The following EIF2S2 variants were observed in gnomAD, a reference collection of about 807,000 sequenced individuals.
EIF2S2 encodes eukaryotic translation initiation factor 2 subunit 2.
A neutral mutation model predicts 44.0 loss-of-function variants in EIF2S2; 4 were observed. That is an observed-to-expected ratio of 0.09 (90% confidence interval 0.04 to 0.21). EIF2S2 has a LOEUF of 0.21. Ranked by LOEUF, EIF2S2 falls within the 10% of genes least tolerant of loss-of-function variation. The pLI is 1.00. For missense variants in EIF2S2, 154 were observed against 392.0 expected (o/e 0.39, Z 5.13); for synonymous variants, 108 against 128.3 (o/e 0.84, Z 1.07).
chr20:34,096,402 C>G (rs1241776450), intron 6 of EIF2S2, among the ~76,000 whole-genome samples: 2 of 152,156 alleles, frequency 1.3e-5, no homozygotes, highest in African/African-American at 4.8e-5. Flanking sequence ...GAGATTGAGG[C>G]TGCAGTGAGC....
At chr20:34,100,480 G>T (rs1231833735) in intron 3 of EIF2S2, among the ~76,000 whole-genome samples, 1 of 152,086 alleles carries the variant, frequency 6.6e-6, no homozygotes, top group East Asian at 1.9e-4. Context: ...CCAGATAAGG[G>T]ATCCCTTACT....
At chr20:34,094,745 A>C (rs1056400899) in intron 6 of EIF2S2, among the ~76,000 whole-genome samples, 1 of 152,192 alleles carries the variant, frequency 6.6e-6, no homozygotes, top group South Asian at 2.1e-4. Context: ...TAAAATAAAA[A>C]ACACAAATAT....
At chr20:34,112,012 G>C in intron 1 of EIF2S2, 84 bp downstream of exon 1, 1 of 1,293,170 alleles carries the variant, frequency 7.7e-7, no homozygotes, top group African/African-American at 1.5e-5. Flanking sequence ...CCGGCTGCTA[G>C]GCCGCAGGCC....
In EIF2S2 at chr20:34,092,529, G is replaced by A. The variant is rs570780031; in HGVS notation, c.740+1146C>T. 3.3e-5 allele frequency among the ~76,000 whole-genome samples: 5 copies of A among 152,270 alleles called. No homozygotes were observed. In the South Asian group the frequency reaches 6.2e-4, roughly 19 times the overall value. On this transcript the variant is annotated intron_variant, in intron 7 of 8. Coordinates refer to ENST00000374980, the MANE Select transcript of EIF2S2 (RefSeq NM_003908.5). Reference sequence around the variant, plus strand: ...TAAAAATACAAAAAATTAGCTGGGCGTGGTGGCGGGCGCCTGTAGTCCCAG... The same window carrying A: ...TAAAAATACAAAAAATTAGCTGGGCATGGTGGCGGGCGCCTGTAGTCCCAG...
Position 34,103,447 on chromosome 20 carries a change from AG to A in EIF2S2, c.297+14del. 6.5e-7 allele frequency: 1 copy of A among 1,540,928 alleles called. No individual in the cohort carries two copies. Among genetic ancestry groups the A allele is most frequent in the Non-Finnish European group, 8.8e-7 (1 of 1,138,128 alleles). On this transcript the variant is annotated intron_variant, in intron 3 of 8. Coordinates refer to ENST00000374980, the MANE Select transcript of EIF2S2 (RefSeq NM_003908.5). ...AAGAGGTCAAATTTTACCTTCAACA[AG>A]AAAGCAATACTACCTTTACACCTTC... is the stretch of plus-strand genomic sequence containing the variant.
intron 4 of EIF2S2, among the ~76,000 whole-genome samples, chr20:34,098,262 A>T (rs985263382): frequency 6.6e-6 from 1 of 152,046 alleles, no homozygotes; most frequent in Non-Finnish European, 1.5e-5. Flanking sequence ...AAAAAAAAAA[A>T]TCCGGTTATA....
intron 3 of EIF2S2, among the ~76,000 whole-genome samples, chr20:34,098,921 C>G (rs2034264222): frequency 6.6e-6 from 1 of 152,214 alleles, no homozygotes; most frequent in Admixed American, 6.5e-5. Flanking sequence ...AAACGCCTGT[C>G]AGAAATGGAC....
intron 3 of EIF2S2, among the ~76,000 whole-genome samples, chr20:34,099,374 AAG>A: frequency 6.6e-6 from 1 of 152,292 alleles, no homozygotes. Flanking sequence ...AAAAAAAAAA[AAG>A]AATCACTTGA....
chr20:34,104,606 C>T (rs1197138460), intron 2 of EIF2S2, among the ~76,000 whole-genome samples: 1 of 152,150 alleles, frequency 6.6e-6, no homozygotes, highest in Admixed American at 6.5e-5. Flanking sequence ...GCAGTAAATA[C>T]AAGTTATCAG....
rs766940297 is a variant in EIF2S2 at position 34,089,702 on chromosome 20, A to G, written c.*28T>C. Reference sequence around the variant, plus strand: ...ACCTGTCCAGCCACATCTCCACAACAAGCTTTGCAAAATCAGTGATTAGCA... The same window carrying G: ...ACCTGTCCAGCCACATCTCCACAACGAGCTTTGCAAAATCAGTGATTAGCA... On this transcript the variant is annotated 3_prime_UTR_variant, in exon 9 of 9. Transcript: ENST00000374980. 3 of 1,594,194 alleles carry G rather than the reference A, an allele frequency of 1.9e-6. No individual in the cohort carries two copies. The highest frequency in any genetic ancestry group is 2.7e-5 in the African/African-American group (2 of 74,440).
Position 34,088,475 on chromosome 20 carries a change from C to T in EIF2S2, c.*1255G>A, listed in dbSNP as rs899688072. 3 of 152,676 alleles carry T rather than the reference C, an allele frequency of 2.0e-5. No homozygotes were observed. Among genetic ancestry groups the T allele is most frequent in the East Asian group, 3.8e-4 (2 of 5,200 alleles). The allele number at this position is 152,676 out of a possible 1,614,324, so 9.5% of individuals were successfully genotyped here. On this transcript the variant is annotated 3_prime_UTR_variant, in exon 9 of 9. Coordinates refer to ENST00000374980, the MANE Select transcript of EIF2S2 (RefSeq NM_003908.5). ...CAGTGTGTGGGTTGAGGGCCCTCTA[C>T]TGCTTTACCCATCACCCTCCACTGT...
rs1004912716 is a variant in EIF2S2, at chr20:34,089,594, A to G, written c.*136T>C. 11 of 851,716 alleles carry G rather than the reference A, an allele frequency of 1.3e-5. No individual in the cohort carries two copies. In the South Asian group the frequency reaches 1.9e-4, roughly 15 times the overall value. 52.8% of individuals were successfully genotyped at this position (851,716 alleles called of 1,614,324 possible). ...GCTTGAGCATCAGCGTCTTGCAAGG[A>G]CTTCAGACCAACCACTCGCCAAAAA... On this transcript the variant is annotated 3_prime_UTR_variant, in exon 9 of 9. Coordinates refer to ENST00000374980, the MANE Select transcript of EIF2S2 (RefSeq NM_003908.5).
chr20:34,105,357 C>G lies in EIF2S2; in HGVS notation c.193+11G>C. 1 of 1,608,632 alleles carries G rather than the reference C, an allele frequency of 6.2e-7. No individual in the cohort carries two copies. Among genetic ancestry groups the G allele is most frequent in the Non-Finnish European group, 8.5e-7 (1 of 1,178,422 alleles). ...TATGACAACAGTAACTCTCTCACAT[C>G]AACCACGCACCTTTTTTCCTAGTGT... On this transcript the variant is annotated intron_variant, in intron 2 of 8. Transcript: ENST00000374980.
intron 1 of EIF2S2, 54 bp downstream of exon 1, chr20:34,112,042 G>A (rs1568722137): frequency 7.0e-7 from 1 of 1,436,198 alleles, no homozygotes; most frequent in East Asian, 2.8e-5. Flanking sequence ...ACACTGGAGT[G>A]GGTTAGGCTT....
intron 3 of EIF2S2, among the ~76,000 whole-genome samples, chr20:34,100,081 C>T (rs2034278264): frequency 6.6e-6 from 1 of 152,210 alleles, no homozygotes; most frequent in Non-Finnish European, 1.5e-5. Context: ...GTGGCATGAT[C>T]TCGGCTCACT....
Position 34,089,711 on chromosome 20 carries a change from A to G in EIF2S2, c.*19T>C, listed in dbSNP as rs779171017. The stretch of plus-strand genomic sequence containing the variant: ...GCCACATCTCCACAACAAGCTTTGC[A>G]AAATCAGTGATTAGCAAATTAGTTA... On this transcript the variant is annotated 3_prime_UTR_variant, in exon 9 of 9. Transcript: ENST00000374980. 1.9e-6 allele frequency: 3 copies of G among 1,602,534 alleles called. No homozygotes were observed. The highest frequency in any genetic ancestry group is 2.6e-6 in the Non-Finnish European group (3 of 1,173,552).
chr20:34,105,397 T>A lies in EIF2S2; in HGVS notation c.164A>T (p.Glu55Val). 1 of 1,613,802 alleles carries A rather than the reference T, an allele frequency of 6.2e-7. No individual in the cohort carries two copies. The highest frequency in any genetic ancestry group is 8.5e-7 in the Non-Finnish European group (1 of 1,179,856). ...TTTCCTAGTGTCCTCTTCATCAGCT[T>A]CCAAATCCTTGTCCTCAGTTGGCTC... ...EPEPTEDKDL[E>V]ADEEDTRKKD... Residue 55 changes from glutamate (E) to valine (V), a missense_variant, in exon 2 of 9, where the codon GAA (glutamate) becomes GTA (valine). Glu to Val is a moderately radical substitution (Grantham distance 121). Transcript: ENST00000374980.
chr20:34,102,107 A>C (rs992023513), intron 3 of EIF2S2, among the ~76,000 whole-genome samples: 1 of 152,168 alleles, frequency 6.6e-6, no homozygotes, highest in African/African-American at 2.4e-5. Context: ...GATACCTCTA[A>C]CATCCTCTTA....
chr20:34,098,467 T>G, intron 4 of EIF2S2, 31 bp downstream of exon 4: 1 of 1,610,756 alleles, frequency 6.2e-7, no homozygotes, highest in Non-Finnish European at 8.5e-7. Context: ...TTGAGTAACC[T>G]CTAAATGTGC....
Sources: gnomAD v4.1 joint callset for allele counts (sites outside exome capture counted in the v4.1 genomes callset) on GRCh38, gnomAD v4.1.1 for gene constraint, MANE v1.5 for transcripts, NCBI Gene and HGNC (gene_info 2026-07-23, HGNC 2026-07-21) for gene names.